The following RUSC2 variants were observed in gnomAD, a reference collection of about 807,000 sequenced individuals.
The protein encoded by RUSC2 is RUN and SH3 domain containing 2.
Under a neutral mutation model 122.2 loss-of-function variants are expected in RUSC2, and 34 were observed. That is an observed-to-expected ratio of 0.28 (90% CI 0.21 to 0.37). RUSC2 has a LOEUF of 0.37. Ranked by LOEUF, RUSC2 falls within the 10% of genes least tolerant of loss-of-function variation. RUSC2 has a pLI of 1.00. For missense variants in RUSC2, 1,747 were observed against 1,952.4 expected, an observed-to-expected ratio of 0.89 and a Z score of 1.98; for synonymous variants, 784 against 790.0, an observed-to-expected ratio of 0.99 and a Z score of 0.13.
At chr9:35,525,055 G>C (rs1412539518) in intron 1 of RUSC2, among the ~76,000 whole-genome samples, 2 of 152,144 alleles carry the variant, frequency 1.3e-5, no homozygotes, top group Non-Finnish European at 2.9e-5. Context: ...TGTGAGAGTG[G>C]AAAGATATAT....
chr9:35,561,139 T>C, intron 11 of RUSC2, 42 bp downstream of exon 11: 1 of 1,613,212 alleles, frequency 6.2e-7, no homozygotes, highest in Non-Finnish European at 8.5e-7. Context: ...GGCGGGGGGC[T>C]TTTGAGGGGG....
intron 1 of RUSC2, among the ~76,000 whole-genome samples, chr9:35,494,866 G>T (rs1820646384): frequency 7.0e-6 from 1 of 143,074 alleles, no homozygotes; most frequent in Non-Finnish European, 1.5e-5. Context: ...CAAATTAAGT[G>T]ACATGAAGCT....
intron 1 of RUSC2, chr9:35,507,888 CTTTTG>C (rs1416949424): frequency 4.8e-6 from 1 of 206,736 alleles, no homozygotes; most frequent in Non-Finnish European, 1.0e-5. Flanking sequence ...TAAGTGTCAT[CTTTTG>C]TTTTGTTATG....
chr9:35,508,862 A>T (rs1449902215), intron 1 of RUSC2, among the ~76,000 whole-genome samples: 2 of 152,236 alleles, frequency 1.3e-5, no homozygotes, highest in Non-Finnish European at 2.9e-5. Flanking sequence ...GACAGAAAGA[A>T]TACAAGTACA....
chr9:35,536,348 G>T (rs1821527519), intron 1 of RUSC2, among the ~76,000 whole-genome samples: 1 of 152,228 alleles, frequency 6.6e-6, no homozygotes, highest in South Asian at 2.1e-4. Context: ...GGTAATCAGA[G>T]AAGACTTGAT....
At position 35,558,275 on chromosome 9, in the gene RUSC2, G is replaced by C; in HGVS notation, c.3139G>C (p.Val1047Leu). The change falls in exon 7 of 12, where the codon GTG (valine) becomes CTG (leucine). Residue 1047 changes from valine (V) to leucine (L), a missense_variant. Val to Leu is a conservative substitution (Grantham distance 32). Coordinates refer to ENST00000361226, the MANE Select transcript of RUSC2 (RefSeq NM_014806.5). The surrounding 1 kb of genome is among the most constrained non-coding windows in gnomAD (Gnocchi z 4.3). ...LKYLCPAVRA[V>L]LEDGLKAFVL... Reference sequence around the variant, plus strand: ...GTACTTGTGCCCTGCCGTCCGCGCCGTGCTGGAGGATGGGCTCAAGGCCTT... The same window carrying C: ...GTACTTGTGCCCTGCCGTCCGCGCCCTGCTGGAGGATGGGCTCAAGGCCTT... The C allele has an allele frequency of 6.2e-7, 1 of 1,614,172 alleles. No homozygotes were observed. Among genetic ancestry groups the C allele is most frequent in the Non-Finnish European group, 8.5e-7 (1 of 1,180,040 alleles).
intron 1 of RUSC2, among the ~76,000 whole-genome samples, chr9:35,490,498 G>A (rs968397418): frequency 1.3e-5 from 2 of 151,986 alleles, no homozygotes; most frequent in African/African-American, 4.8e-5. Flanking sequence ...CCCCCTTGGG[G>A]ACACCCTCCC....
At chr9:35,509,107 T>C (rs1438404441) in intron 1 of RUSC2, among the ~76,000 whole-genome samples, 1 of 152,124 alleles carries the variant, frequency 6.6e-6, no homozygotes, top group Non-Finnish European at 1.5e-5. Flanking sequence ...CTCAGCACTT[T>C]GGGAGGCTAA....
rs1315235230 is a variant in RUSC2 at position 35,524,639 on chromosome 9, T to G, written c.-92-21791T>G. On this transcript the variant is annotated intron_variant, in intron 1 of 11. Transcript: ENST00000361226. ...CCAGACTCCTATTTTATGTTTTTGT[T>G]GTACTCTTTGTTTTCTGTTGGAGGC... 3.3e-5 allele frequency among the ~76,000 whole-genome samples: 5 copies of G among 152,150 alleles called. No individual in the cohort carries two copies. The East Asian group carries it at 7.7e-4, about 23-fold the overall frequency.
intron 1 of RUSC2, among the ~76,000 whole-genome samples, chr9:35,527,458 C>T (rs1333194176): frequency 2.0e-5 from 3 of 152,102 alleles, no homozygotes; most frequent in African/African-American, 4.8e-5. Context: ...AGTCACTGCA[C>T]CTGGCTGAGT....
Position 35,560,554 on chromosome 9 carries a change from G to A in RUSC2, c.3914G>A (p.Gly1305Glu). The A allele has an allele frequency of 6.2e-7, 1 of 1,614,150 alleles. No individual in the cohort carries two copies. The highest frequency in any genetic ancestry group is 8.5e-7 in the Non-Finnish European group (1 of 1,180,018). ...AACAGCAGCAGCGAGAAAAAGAAAG[G>A]GGCAGGAGGTGGGGGACCTCCCCAG... is the stretch of plus-strand genomic sequence containing the variant. ...SSNSSSEKKK[G>E]AGGGGPPQAP... The change falls in exon 10 of 12, where the codon GGG (glycine) becomes GAG (glutamate). Residue 1305 changes from glycine (G) to glutamate (E), a missense_variant. Physicochemically the swap from Gly to Glu is moderately conservative, Grantham distance 98. Coordinates refer to ENST00000361226, the MANE Select transcript of RUSC2 (RefSeq NM_014806.5).
At chr9:35,500,845 T>C (rs1396753146) in intron 1 of RUSC2, among the ~76,000 whole-genome samples, 1 of 152,236 alleles carries the variant, frequency 6.6e-6, no homozygotes, top group East Asian at 1.9e-4. Flanking sequence ...GTTCTTTGCC[T>C]GATATCCAAC....
chr9:35,545,919 C>T (rs761829861), intron 1 of RUSC2, among the ~76,000 whole-genome samples: 8 of 152,054 alleles, frequency 5.3e-5, no homozygotes, highest in Non-Finnish European at 8.8e-5. Flanking sequence ...CAGATGATAC[C>T]GTATATTTTA....
intron 1 of RUSC2, among the ~76,000 whole-genome samples, chr9:35,512,200 T>A (rs78231053): frequency 6.7e-6 from 1 of 150,326 alleles, no homozygotes; most frequent in African/African-American, 2.4e-5. Flanking sequence ...AAAAAAAAAA[T>A]AGGAAAATCT....
intron 1 of RUSC2, among the ~76,000 whole-genome samples, chr9:35,491,152 T>C (rs1266632977): frequency 2.0e-5 from 3 of 151,874 alleles, no homozygotes; most frequent in Admixed American, 2.0e-4. Flanking sequence ...AACCTGTTTT[T>C]ATTTATTCCT....
Position 35,544,932 on chromosome 9 carries a change from C to T in RUSC2, c.-92-1498C>T, listed in dbSNP as rs527565778. 7.9e-5 allele frequency among the ~76,000 whole-genome samples: 12 copies of T among 152,254 alleles called. No individual in the cohort carries two copies. The South Asian group carries it at 1.2e-3, about 16-fold the overall frequency. On this transcript the variant is annotated intron_variant, in intron 1 of 11. Transcript: ENST00000361226. ...ATATCTGCCCTTCTACATCTCTACC[C>T]ATTAGCCCATTAAACACACAAAGGC...
At position 35,497,750 on chromosome 9, in the gene RUSC2, A is replaced by G. The variant is rs1319407249; in HGVS notation, c.-93+7578A>G. On this transcript the variant is annotated intron_variant, in intron 1 of 11. Transcript: ENST00000361226. ...GCAGTGGGCCCATTAGTAGATGTAG[A>G]GGCTATTAAACATGAGATCATTGGG... Among the ~76,000 whole-genome samples the G allele has an allele frequency of 2.6e-5, 4 of 152,222 alleles. No individual in the cohort carries two copies. In the East Asian group the frequency reaches 7.7e-4, roughly 29 times the overall value.
intron 1 of RUSC2, among the ~76,000 whole-genome samples, chr9:35,499,369 C>G (rs1386784773): frequency 6.6e-6 from 1 of 152,078 alleles, no homozygotes; most frequent in Non-Finnish European, 1.5e-5. Context: ...AAAGTTCTGC[C>G]AAAACACTTA....
intron 2 of RUSC2, chr9:35,549,293 G>GT (rs10625373): frequency 0.049 from 38,914 of 792,126 alleles, 167 homozygotes; most frequent in African/African-American, 0.12. Context: ...CGTCAGTGAA[G>GT]TTTTTTTTTT....
Sources: allele counts gnomAD v4.1 joint callset (sites outside exome capture counted in the v4.1 genomes callset), GRCh38; gene constraint gnomAD v4.1.1; non-coding constraint Gnocchi (gnomAD v3.1); transcripts MANE v1.5; gene names NCBI Gene and HGNC (gene_info 2026-07-23, HGNC 2026-07-21).